Variants in SLC35F1 observed in about 807,000 individuals in gnomAD.
SLC35F1 encodes chromosome 6 open reading frame 169.
A neutral mutation model predicts 48.7 loss-of-function variants in SLC35F1; 14 were observed. The ratio of observed to expected loss-of-function variants is 0.29; its 90% CI spans 0.19 to 0.45. The LOEUF is 0.45. SLC35F1 is among the 20% of genes least tolerant of loss of function. The pLI, the probability that SLC35F1 is intolerant of heterozygous loss-of-function variation, is 1.00. For synonymous variants in SLC35F1, 190 were observed against 202.2 expected, an observed-to-expected ratio of 0.94 and a Z score of 0.51; for missense variants, 404 against 500.0, an observed-to-expected ratio of 0.81 and a Z score of 1.83.
intron 3 of SLC35F1, among the ~76,000 whole-genome samples, chr6:118,254,421 A>T (rs1775617053): frequency 6.6e-6 from 1 of 152,160 alleles, no homozygotes; most frequent in Admixed American, 6.5e-5. Context: ...GGCTGGGACT[A>T]TAGGTGTGTG....
intron 1 of SLC35F1, among the ~76,000 whole-genome samples, chr6:118,018,652 A>C (rs2114882525): frequency 6.6e-6 from 1 of 152,250 alleles, no homozygotes; most frequent in East Asian, 1.9e-4. Context: ...CTTTACTGGA[A>C]TCTTTGAATA....
chr6:117,973,370 G>A (rs1160020235), intron 1 of SLC35F1, among the ~76,000 whole-genome samples: 1 of 152,110 alleles, frequency 6.6e-6, no homozygotes, highest in Non-Finnish European at 1.5e-5. Flanking sequence ...ATTTGGGGTT[G>A]TAAGGGGACA....
At chr6:118,067,196 T>C (rs1356624901) in intron 1 of SLC35F1, among the ~76,000 whole-genome samples, 2 of 152,138 alleles carry the variant, frequency 1.3e-5, no homozygotes, top group African/African-American at 4.8e-5. Flanking sequence ...TCAGATAAGG[T>C]CATAAAATGA....
chr6:118,064,658 T>C (rs192161763), intron 1 of SLC35F1, among the ~76,000 whole-genome samples: 51 of 152,274 alleles, frequency 3.3e-4, no homozygotes, highest in African/African-American at 1.2e-3. Flanking sequence ...TTAGGGTGCT[T>C]AGATTTCAGA....
intron 2 of SLC35F1, among the ~76,000 whole-genome samples, chr6:118,183,333 A>G (rs904726386): frequency 6.6e-6 from 1 of 152,144 alleles, no homozygotes; most frequent in African/African-American, 2.4e-5. Flanking sequence ...AACACAGAAT[A>G]AAAGTTTCAG....
At chr6:118,245,123 T>C (rs1036703910) in intron 3 of SLC35F1, among the ~76,000 whole-genome samples, 3 of 152,238 alleles carry the variant, frequency 2.0e-5, no homozygotes, top group South Asian at 2.1e-4. Flanking sequence ...GGTTCATTCA[T>C]GCTACACTTG....
chr6:118,049,074 T>C (rs1200427456), intron 1 of SLC35F1, among the ~76,000 whole-genome samples: 1 of 152,114 alleles, frequency 6.6e-6, no homozygotes, highest in African/African-American at 2.4e-5. Context: ...TCTACAACCA[T>C]CTGATCTTTG....
chr6:117,953,487 T>G (rs796974272), intron 1 of SLC35F1, among the ~76,000 whole-genome samples: 8 of 152,292 alleles, frequency 5.3e-5, no homozygotes, highest in African/African-American at 1.9e-4. Flanking sequence ...CACATATATC[T>G]AGTGGTAGAC....
At chr6:118,180,447 G>T (rs1774558093) in intron 2 of SLC35F1, among the ~76,000 whole-genome samples, 1 of 151,952 alleles carries the variant, frequency 6.6e-6, no homozygotes, top group Admixed American at 6.6e-5. Flanking sequence ...TATGTTTAAA[G>T]AAATATAAGA....
intron 2 of SLC35F1, among the ~76,000 whole-genome samples, chr6:118,178,885 T>C (rs140667568): frequency 1.3e-5 from 2 of 152,282 alleles, no homozygotes; most frequent in East Asian, 3.9e-4. Context: ...GTTTTGAACA[T>C]TCTTCTTTAG....
chr6:118,208,542 T>C (rs1055990576), intron 2 of SLC35F1, among the ~76,000 whole-genome samples: 3 of 152,244 alleles, frequency 2.0e-5, no homozygotes, highest in Non-Finnish European at 4.4e-5. Flanking sequence ...AAGAAATTTA[T>C]TTTAAAATAA....
chr6:117,938,739 G>A (rs1006133119), intron 1 of SLC35F1, among the ~76,000 whole-genome samples: 10 of 152,190 alleles, frequency 6.6e-5, no homozygotes, highest in African/African-American at 2.4e-4. Flanking sequence ...GAGTGGGATG[G>A]CTTTGCCAGG....
At chr6:117,980,410 G>C (rs2114849749) in intron 1 of SLC35F1, among the ~76,000 whole-genome samples, 1 of 152,266 alleles carries the variant, frequency 6.6e-6, no homozygotes, top group South Asian at 2.1e-4. Context: ...GAATTAGGTT[G>C]AACATCCAGT....
chr6:117,923,758 C>CACATGTATATATACAT (rs1554216764), intron 1 of SLC35F1, among the ~76,000 whole-genome samples: 1 of 51,832 alleles, frequency 1.9e-5, no homozygotes, highest in African/African-American at 5.9e-5. Flanking sequence ...TACATATATA[C>CACATGTATATATACAT]ATATGCACAT....
At chr6:118,033,659 A>G (rs1469987756) in intron 1 of SLC35F1, among the ~76,000 whole-genome samples, 1 of 148,144 alleles carries the variant, frequency 6.8e-6, no homozygotes, top group Non-Finnish European at 1.5e-5. Flanking sequence ...TTATTTCTCT[A>G]TATTGTAATG....
chr6:117,944,170 A>C (rs1007413913), intron 1 of SLC35F1, among the ~76,000 whole-genome samples: 3 of 152,386 alleles, frequency 2.0e-5, no homozygotes, highest in African/African-American at 2.4e-5. Context: ...ATTCAAATAT[A>C]AAACTTGAAC....
At chr6:118,132,480 C>T (rs4945612) in intron 1 of SLC35F1, among the ~76,000 whole-genome samples, 33,828 of 152,024 alleles carry the variant, frequency 0.22, 4,200 homozygotes, top group East Asian at 0.39. Flanking sequence ...CACTCTGTGC[C>T]TCAGTTTCCT....
intron 1 of SLC35F1, among the ~76,000 whole-genome samples, chr6:118,149,088 A>G (rs1238439552): frequency 6.6e-6 from 1 of 152,232 alleles, no homozygotes; most frequent in Non-Finnish European, 1.5e-5. Flanking sequence ...AACAGAAAAG[A>G]ATAAAATACA....
chr6:117,945,393 T>A (rs1468833668), intron 1 of SLC35F1, among the ~76,000 whole-genome samples: 1 of 152,230 alleles, frequency 6.6e-6, no homozygotes, highest in South Asian at 2.1e-4. Flanking sequence ...ACTTGCTACA[T>A]GCATTGTATG....
Sources: gnomAD v4.1 joint callset for allele counts (sites outside exome capture counted in the v4.1 genomes callset) on GRCh38, gnomAD v4.1.1 for gene constraint, MANE v1.5 for transcripts, NCBI Gene and HGNC (gene_info 2026-07-23, HGNC 2026-07-21) for gene names.